FNDC3A: variants seen among roughly 807,000 people sequenced by gnomAD.
The protein encoded by FNDC3A is fibronectin type-III domain-containing protein 3A.
FNDC3A carries 32 observed loss-of-function variants against 148.9 expected under a neutral mutation model. The ratio of observed to expected loss-of-function variants is 0.21; its 90% CI spans 0.16 to 0.29. The LOEUF (loss-of-function observed/expected upper bound fraction) is 0.29. FNDC3A is among the 10% of genes least tolerant of loss of function. The pLI is 1.00. For synonymous variants in FNDC3A, 472 were observed against 473.6 expected, an observed-to-expected ratio of 1.00 and a Z score of 0.04; for missense variants, 1,191 against 1,452.8, an observed-to-expected ratio of 0.82 and a Z score of 2.93.
chr13:48,986,385 G>GTTTTTTTTTTTTTT lies in FNDC3A; in HGVS notation c.-40+10223_-40+10236dup, dbSNP rs869031197. The stretch of plus-strand genomic sequence containing the variant: ...AAGACAGAGTAAGGAGAAGGAAGTT[G>GTTTTTTTTTTTTTT]TTTTTTTTTTTTTTTTTTTTTTTTT... On this transcript the variant is annotated intron_variant, in intron 1 of 25. Coordinates refer to ENST00000492622, the MANE Select transcript of FNDC3A (RefSeq NM_001079673.2). 1.1e-4 allele frequency among the ~76,000 whole-genome samples: 6 copies of GTTTTTTTTTTTTTT among 54,420 alleles called. 1 individual carries two copies. Among genetic ancestry groups the GTTTTTTTTTTTTTT allele is most frequent in the African/African-American group, 2.3e-4 (3 of 12,850 alleles). 35.7% of individuals were successfully genotyped at this position (54,420 alleles called of 152,430 possible).
At chr13:49,135,505 T>C (rs544790262) in intron 5 of FNDC3A, among the ~76,000 whole-genome samples, 1 of 152,298 alleles carries the variant, frequency 6.6e-6, no homozygotes, top group South Asian at 2.1e-4. Context: ...TTCATTTGAA[T>C]TAATTTTTGT....
intron 2 of FNDC3A, among the ~76,000 whole-genome samples, chr13:49,027,819 CAG>C (rs1402109745): frequency 6.6e-6 from 1 of 152,030 alleles, no homozygotes; most frequent in Non-Finnish European, 1.5e-5. Context: ...ATGCATAAAA[CAG>C]AGCAAAATAG....
intron 8 of FNDC3A, among the ~76,000 whole-genome samples, chr13:49,159,261 GTTC>G (rs747598182): frequency 6.6e-6 from 1 of 152,178 alleles, no homozygotes; most frequent in Non-Finnish European, 1.5e-5. Context: ...AGCATGGAAT[GTTC>G]TTCCATTTGT....
intron 3 of FNDC3A, among the ~76,000 whole-genome samples, chr13:49,080,633 T>C (rs1047662092): frequency 2.6e-5 from 4 of 152,200 alleles, no homozygotes; most frequent in Non-Finnish European, 5.9e-5. Flanking sequence ...TGTAAAAATT[T>C]ATTGAATGGG....
chr13:49,178,619 A>C lies in FNDC3A; in HGVS notation c.1582A>C (p.Lys528Gln). Reference protein sequence around the residue: ...YDGEDLAYTVKNLRRSTKYKF... With the variant: ...YDGEDLAYTVQNLRRSTKYKF... ...TGGAGAAGATCTTGCTTACACAGTG[A>C]AAAATCTCAGACGTAGTACTAAGTA... Residue 528 changes from lysine (K) to glutamine (Q), a missense_variant, in exon 14 of 26, where the codon AAA becomes CAA. By Grantham distance (53) the Lys-to-Gln change is moderately conservative (BLOSUM62 1). Around this residue, in one of 3 missense-constraint regions of FNDC3A, gnomAD observed 751 missense variants for 944.0 expected, o/e 0.80. Coordinates refer to ENST00000492622, the MANE Select transcript of FNDC3A (RefSeq NM_001079673.2). The C allele has an allele frequency of 6.3e-7, 1 of 1,584,242 alleles. No individual in the cohort carries two copies. The highest frequency in any genetic ancestry group is 8.6e-7 in the Non-Finnish European group (1 of 1,166,996).
At chr13:49,032,593 G>A (rs1022226588) in intron 2 of FNDC3A, among the ~76,000 whole-genome samples, 6 of 152,066 alleles carry the variant, frequency 3.9e-5, no homozygotes, top group Admixed American at 1.3e-4. Context: ...AAAATTAGCC[G>A]GGTGTGGTGG....
At chr13:49,105,769 T>A (rs1350705639) in intron 3 of FNDC3A, among the ~76,000 whole-genome samples, 1 of 152,242 alleles carries the variant, frequency 6.6e-6, no homozygotes, top group Non-Finnish European at 1.5e-5. Context: ...GCCCATATAC[T>A]TAAAAGTAGA....
intron 3 of FNDC3A, among the ~76,000 whole-genome samples, chr13:49,080,665 A>G (rs1460709971): frequency 6.6e-6 from 1 of 152,226 alleles, no homozygotes; most frequent in Non-Finnish European, 1.5e-5. Flanking sequence ...TTTTATATTA[A>G]TAGATCTTTG....
At position 49,143,321 on chromosome 13, in the gene FNDC3A, C is replaced by T. The variant is rs920895733; in HGVS notation, c.820-2457C>T. ...GGAGGATCGCTTGAGCCTAGGAGTT[C>T]GCAACCAGCCCAAGCAACAATAGTA... On this transcript the variant is annotated intron_variant, in intron 7 of 25. Coordinates refer to ENST00000492622, the MANE Select transcript of FNDC3A (RefSeq NM_001079673.2). Among the ~76,000 whole-genome samples, 16 of 151,890 alleles carry T rather than the reference C, an allele frequency of 1.1e-4. No individual in the cohort carries two copies. The East Asian group carries it at 2.5e-3, about 24-fold the overall frequency.
At chr13:48,982,718 G>A (rs992802548) in intron 1 of FNDC3A, among the ~76,000 whole-genome samples, 1 of 152,046 alleles carries the variant, frequency 6.6e-6, no homozygotes, top group Non-Finnish European at 1.5e-5. Flanking sequence ...ATATCCTATT[G>A]TGTCATCATT....
chr13:49,147,276 G>A (rs1205987978), intron 8 of FNDC3A, among the ~76,000 whole-genome samples: 2 of 152,104 alleles, frequency 1.3e-5, no homozygotes, highest in Non-Finnish European at 2.9e-5. Flanking sequence ...GCCTGACCAG[G>A]GAGCACGAGG....
chr13:49,079,488 G>T (rs952847482), intron 3 of FNDC3A, among the ~76,000 whole-genome samples: 1 of 152,178 alleles, frequency 6.6e-6, no homozygotes. Context: ...AAGAACAGTG[G>T]CAGTTGGTCA....
Position 49,075,384 on chromosome 13 carries a change from A to T in FNDC3A, c.175+20A>T. 6.8e-7 allele frequency: 1 copy of T among 1,472,956 alleles called. No homozygotes were observed. The allele number at this position is 1,472,956 out of a possible 1,614,324, so 91.2% of individuals were successfully genotyped here. A position where few individuals can be genotyped will look rare whatever the true frequency, so the allele number is the denominator to read the frequency against. On this transcript the variant is annotated intron_variant, in intron 3 of 25. Transcript: ENST00000492622. ...TTACAGGTAAGAATGGTAATTGAGAATAATCATTTGAGACCAAATAAACCC... is the reference window on the plus strand; with the variant it reads ...TTACAGGTAAGAATGGTAATTGAGATTAATCATTTGAGACCAAATAAACCC...
intron 4 of FNDC3A, among the ~76,000 whole-genome samples, chr13:49,115,957 T>A (rs1419808053): frequency 6.6e-6 from 1 of 152,198 alleles, no homozygotes; most frequent in East Asian, 1.9e-4. Context: ...GTTTTCTACT[T>A]CTTTGTTGCA....
chr13:48,983,593 G>A (rs574513465), intron 1 of FNDC3A, among the ~76,000 whole-genome samples: 105 of 152,286 alleles, frequency 6.9e-4, no homozygotes, highest in African/African-American at 2.3e-3. Context: ...ACAGGCTTTA[G>A]TTTGCCAACC....
chr13:49,111,680 A>C (rs1447231243), intron 3 of FNDC3A, among the ~76,000 whole-genome samples: 2 of 150,930 alleles, frequency 1.3e-5, no homozygotes, highest in African/African-American at 4.9e-5. Context: ...GAGCTGAGAT[A>C]GCGCCACTGC....
chr13:48,979,185 TTGCAGGGTGA>T (rs770363743), intron 1 of FNDC3A, among the ~76,000 whole-genome samples: 1 of 152,200 alleles, frequency 6.6e-6, no homozygotes, highest in Non-Finnish European at 1.5e-5. Flanking sequence ...TGTCATGTGC[TTGCAGGGTGA>T]TGCAATGTTA....
rs747312243 is a variant in FNDC3A, at chr13:49,006,185, T to C, written c.-6T>C. 7.1e-6 allele frequency: 11 copies of C among 1,544,938 alleles called. No individual in the cohort carries two copies. The highest frequency in any genetic ancestry group is 5.1e-5 in the Admixed American group (3 of 58,730). The stretch of plus-strand genomic sequence containing the variant: ...CGTTATTCAGTATATTAATGTCTTA[T>C]TGATAATGGCAGAACATCCACCACT... On this transcript the variant is annotated 5_prime_UTR_variant, in exon 2 of 26. Coordinates refer to ENST00000492622, the MANE Select transcript of FNDC3A (RefSeq NM_001079673.2).
chr13:49,108,072 C>A (rs1376143039), intron 3 of FNDC3A, among the ~76,000 whole-genome samples: 2 of 151,962 alleles, frequency 1.3e-5, no homozygotes, highest in Non-Finnish European at 2.9e-5. Flanking sequence ...ATATGATGGC[C>A]ACATGAAAGT....
Sources: gnomAD v4.1 joint callset for allele counts (sites outside exome capture counted in the v4.1 genomes callset) on GRCh38, gnomAD v4.1.1 for gene constraint, gnomAD v4.1.1 regional missense constraint, MANE v1.5 for transcripts, NCBI Gene and HGNC (gene_info 2026-07-23, HGNC 2026-07-21) for gene names.